ZNF429: variants seen among roughly 807,000 people sequenced by gnomAD.
ZNF429 encodes the protein zinc finger protein 429.
ZNF429 carries 53 observed loss-of-function variants against 56.8 expected under a neutral mutation model. That is an observed-to-expected ratio of 0.93 (90% CI 0.75 to 1.17). ZNF429 has a LOEUF of 1.17. Among genes scored for constraint, ZNF429 ranks in the 50% most tolerant of loss-of-function variants. ZNF429 has a pLI of 0.00. For missense variants in ZNF429, 849 were observed against 788.4 expected, an observed-to-expected ratio of 1.08 and a Z score of -0.92; for synonymous variants, 278 against 264.7, an observed-to-expected ratio of 1.05 and a Z score of -0.49.
chr19:21,510,522 ACAGACATAGCATCC>A (rs1032892255), intron 1 of ZNF429, among the ~76,000 whole-genome samples: 2 of 152,230 alleles, frequency 1.3e-5, no homozygotes, highest in African/African-American at 2.4e-5. Context: ...TGGCTACTTC[ACAGACATAGCATCC>A]CAGAGGGCTG....
At position 21,529,394 on chromosome 19, in the gene ZNF429, C is replaced by A. The variant is rs543025999; in HGVS notation, c.4-264C>A. ...TTCTGTTCATGCCCTTAATTTTATACTTTATCACTTAGAAAAATGTCATGT... is the reference window on the plus strand; with the variant it reads ...TTCTGTTCATGCCCTTAATTTTATAATTTATCACTTAGAAAAATGTCATGT... On this transcript the variant is annotated intron_variant, in intron 1 of 3. Transcript: ENST00000358491. The A allele has an allele frequency of 6.9e-6, 4 of 576,382 alleles. No homozygotes were observed. In the African/African-American group the frequency reaches 8.1e-5, roughly 12 times the overall value. 35.7% of individuals were successfully genotyped at this position (576,382 alleles called of 1,614,324 possible). A position where few individuals can be genotyped will look rare whatever the true frequency, so the allele number is the denominator to read the frequency against.
At position 21,517,907 on chromosome 19, in the gene ZNF429, C is replaced by A. The variant is rs140596799; in HGVS notation, c.4-11751C>A. 8.6e-3 allele frequency among the ~76,000 whole-genome samples: 1,312 copies of A among 151,694 alleles called. 11 individuals carry two copies. Among genetic ancestry groups the A allele is most frequent in the Non-Finnish European group, 0.014 (929 of 67,954 alleles). On this transcript the variant is annotated intron_variant, in intron 1 of 3. Transcript: ENST00000358491. ...CTCCCAGGTTCACGCCATTCACCTGCCTCTGCCTCCTGAGTAGATGGGACT... is the reference window on the plus strand; with the variant it reads ...CTCCCAGGTTCACGCCATTCACCTGACTCTGCCTCCTGAGTAGATGGGACT...
chr19:21,511,972 C>G (rs1430792371), intron 1 of ZNF429, among the ~76,000 whole-genome samples: 1 of 152,074 alleles, frequency 6.6e-6, no homozygotes, highest in African/African-American at 2.4e-5. Context: ...AGGCACTCGG[C>G]AGGCTGAGGC....
intron 3 of ZNF429, among the ~76,000 whole-genome samples, chr19:21,535,422 T>C: frequency 0.025 from 126 of 4,994 alleles, 33 homozygotes; most frequent in African/African-American, 0.11. Context: ...TTTTCTTTCT[T>C]TCTTTCTTTC....
chr19:21,509,086 G>A (rs1334904607), intron 1 of ZNF429, among the ~76,000 whole-genome samples: 2 of 150,786 alleles, frequency 1.3e-5, no homozygotes, highest in African/African-American at 4.9e-5. Context: ...TTGGCTCACT[G>A]CAACTTCTGC....
intron 1 of ZNF429, among the ~76,000 whole-genome samples, chr19:21,508,984 C>CT (rs1454216376): frequency 6.6e-6 from 1 of 151,818 alleles, no homozygotes; most frequent in Non-Finnish European, 1.5e-5. Flanking sequence ...TTGGTGCCTC[C>CT]TAGAAGTGTT....
At chr19:21,531,988 A>T in intron 3 of ZNF429, among the ~76,000 whole-genome samples, 1 of 149,250 alleles carries the variant, frequency 6.7e-6, no homozygotes, top group African/African-American at 2.5e-5. Flanking sequence ...ATGGTTCCAT[A>T]CACTTAAACT....
Position 21,536,786 on chromosome 19 carries a change from A to G in ZNF429, c.733A>G (p.Thr245Ala). Residue 245 changes from threonine (T) to alanine (A), a missense_variant, in exon 4 of 4, where the codon ACT becomes GCT. By Grantham distance (58) the Thr-to-Ala change is moderately conservative (BLOSUM62 0). Coordinates refer to ENST00000358491, the MANE Select transcript of ZNF429 (RefSeq NM_001001415.4). ...GKAFNHYSTL[T>A]NHKRIHTGEK... ...AGCATTTAACCACTACTCAACCCTT[A>G]CTAACCATAAGAGAATTCATACTGG... The G allele has an allele frequency of 1.9e-6, 3 of 1,614,002 alleles. No individual in the cohort carries two copies. Among genetic ancestry groups the G allele is most frequent in the East Asian group, 2.2e-5 (1 of 44,852 alleles).
intron 1 of ZNF429, among the ~76,000 whole-genome samples, chr19:21,507,279 C>G (rs1344527744): frequency 6.6e-6 from 1 of 152,162 alleles, no homozygotes; most frequent in Non-Finnish European, 1.5e-5. Context: ...CCATTTCCTC[C>G]TGACAATCCC....
chr19:21,514,860 A>G (rs1216793860), intron 1 of ZNF429, among the ~76,000 whole-genome samples: 1 of 152,084 alleles, frequency 6.6e-6, no homozygotes, highest in Non-Finnish European at 1.5e-5. Flanking sequence ...CAGCCTCCCA[A>G]AGTGCTGGGA....
At position 21,537,771 on chromosome 19, in the gene ZNF429, C is replaced by T. The variant is rs751212978; in HGVS notation, c.1718C>T (p.Ala573Val). ...TACAAATGTAAACAATGTGACAAAG[C>T]TTTTACCCACTCCTCAAACCTTAGT... is the stretch of plus-strand genomic sequence containing the variant. The part of the protein sequence containing the change: ...KPYKCKQCDK[A>V]FTHSSNLSSH... Residue 573 changes from alanine to valine, a missense_variant, in exon 4 of 4, where the codon GCT becomes GTT. Transcript: ENST00000358491. 3 of 1,613,390 alleles carry T rather than the reference C, an allele frequency of 1.9e-6. No homozygotes were observed. Among genetic ancestry groups the T allele is most frequent in the Non-Finnish European group, 2.5e-6 (3 of 1,179,944 alleles).
chr19:21,538,296 A>AAG lies in ZNF429; in HGVS notation c.*219_*220insGA, dbSNP rs2033803529. ...CCATCTCAAAAAAAAAAAAAAAAAA[A>AAG]AAAGAAAAGAAAATTCATAGGCCAG... On this transcript the variant is annotated 3_prime_UTR_variant, in exon 4 of 4. Coordinates refer to ENST00000358491, the MANE Select transcript of ZNF429 (RefSeq NM_001001415.4). Among the ~76,000 whole-genome samples the AAG allele has an allele frequency of 7.1e-6, 1 of 141,790 alleles. No homozygotes were observed. The highest frequency in any genetic ancestry group is 1.5e-5 in the Non-Finnish European group (1 of 65,614). The allele number at this position is 141,790 out of a possible 152,430, so 93.0% of individuals were successfully genotyped here. A position where few individuals can be genotyped will look rare whatever the true frequency, so the allele number is the denominator to read the frequency against.
Position 21,531,216 on chromosome 19 carries a change from G to T in ZNF429, c.226+532G>T. Among the ~76,000 whole-genome samples, 6 of 151,484 alleles carry T rather than the reference G, an allele frequency of 4.0e-5. No homozygotes were observed. The East Asian group carries it at 9.7e-4, about 24-fold the overall frequency. ...TCATTCTGTTGAAAAATAAAATGGG[G>T]ATTAACAACTACCAAAACCCCTTGT... On this transcript the variant is annotated intron_variant, in intron 3 of 3. Transcript: ENST00000358491.
intron 1 of ZNF429, among the ~76,000 whole-genome samples, chr19:21,523,841 C>A (rs1388063775): frequency 6.6e-6 from 1 of 151,756 alleles, no homozygotes; most frequent in Admixed American, 6.6e-5. Context: ...AGAGCAGCCT[C>A]TATGAGGAGA....
At position 21,505,671 on chromosome 19, in the gene ZNF429, C is replaced by T. The variant is rs62108288; in HGVS notation, c.-101C>T. On this transcript the variant is annotated 5_prime_UTR_variant, in exon 1 of 4. Transcript: ENST00000358491. The stretch of plus-strand genomic sequence containing the variant: ...AGAGCTCCAGGTCTCGTCTTCATTT[C>T]TGTGTCCTTTGTTCTTAGAGGCCCA... 1 of 1,330,774 alleles carries T rather than the reference C, an allele frequency of 7.5e-7. No homozygotes were observed. Among genetic ancestry groups the T allele is most frequent in the East Asian group, 2.5e-5 (1 of 39,864 alleles). The allele number at this position is 1,330,774 out of a possible 1,614,324, so 82.4% of individuals were successfully genotyped here. A position where few individuals can be genotyped will look rare whatever the true frequency, so the allele number is the denominator to read the frequency against.
intron 1 of ZNF429, among the ~76,000 whole-genome samples, chr19:21,522,178 A>T (rs1279770210): frequency 1.3e-5 from 2 of 152,184 alleles, no homozygotes; most frequent in African/African-American, 4.8e-5. Context: ...TTCAGCAGCC[A>T]CCTGCTTTCA....
At chr19:21,534,275 AT>A in intron 3 of ZNF429, among the ~76,000 whole-genome samples, 2 of 151,210 alleles carry the variant, frequency 1.3e-5, no homozygotes. Context: ...AGCATGTTTT[AT>A]TTTCATATAT....
intron 3 of ZNF429, 127 bp downstream of exon 3, chr19:21,530,811 C>A: frequency 1.3e-6 from 1 of 791,284 alleles, no homozygotes; most frequent in Non-Finnish European, 1.9e-6. Flanking sequence ...AAACTGTGTT[C>A]TAAAAAACTT....
chr19:21,522,767 G>A (rs994147785), intron 1 of ZNF429, among the ~76,000 whole-genome samples: 4 of 152,112 alleles, frequency 2.6e-5, no homozygotes, highest in African/African-American at 7.2e-5. Context: ...CATGATGGCA[G>A]GTGCCTGCAA....
Sources: allele counts gnomAD v4.1 joint callset (sites outside exome capture counted in the v4.1 genomes callset), GRCh38; gene constraint gnomAD v4.1.1; transcripts MANE v1.5; gene names NCBI Gene and HGNC (gene_info 2026-07-23, HGNC 2026-07-21).